Variants in ITGA9 observed in about 807,000 individuals in gnomAD.
The protein encoded by ITGA9 is integrin subunit alpha 9, also known as integrin alpha-9.
ITGA9 carries 56 observed loss-of-function variants against 127.8 expected under a neutral mutation model. The observed-to-expected ratio is 0.44, with a 90% CI of 0.35 to 0.55. The LOEUF is 0.55. Ranked by LOEUF, ITGA9 falls within the 20% of genes least tolerant of loss-of-function variation. ITGA9 has a pLI of 0.00. For synonymous variants in ITGA9, 508 were observed against 514.5 expected, an observed-to-expected ratio of 0.99 and a Z score of 0.17; for missense variants, 1,196 against 1,347.1, an observed-to-expected ratio of 0.89 and a Z score of 1.76.
At chr3:37,526,313 G>A (rs972416957) in intron 13 of ITGA9, among the ~76,000 whole-genome samples, 10 of 148,152 alleles carry the variant, frequency 6.7e-5, no homozygotes, top group African/African-American at 2.6e-4. Context: ...AGGGGTTGGG[G>A]TAGCCTAACT....
At chr3:37,512,053 TTTCTTTCTTTCTTTCTTTCTTTCCTTCC>T (rs1444999680) in intron 8 of ITGA9, among the ~76,000 whole-genome samples, 3 of 57,576 alleles carry the variant, frequency 5.2e-5, no homozygotes, top group African/African-American at 1.0e-4. Context: ...TCTTTCTTTC[TTTCTTTCTTTCTTTCTTTCTTTCCTTCC>T]TTCCTTCCTT....
At chr3:37,655,989 A>C (rs1205193043) in intron 17 of ITGA9, among the ~76,000 whole-genome samples, 1 of 152,186 alleles carries the variant, frequency 6.6e-6, no homozygotes, top group Non-Finnish European at 1.5e-5. Flanking sequence ...GGTTTGTCAA[A>C]GATCAGATGG....
intron 18 of ITGA9, among the ~76,000 whole-genome samples, chr3:37,727,549 G>C (rs1055913452): frequency 1.1e-4 from 16 of 152,170 alleles, no homozygotes; most frequent in Non-Finnish European, 1.8e-4. Context: ...AATTATAATT[G>C]TCAAAGATAT....
intron 17 of ITGA9, among the ~76,000 whole-genome samples, chr3:37,664,375 T>G (rs1454309310): frequency 1.3e-5 from 2 of 151,862 alleles, no homozygotes; most frequent in East Asian, 3.9e-4. Flanking sequence ...ACAAGCAATC[T>G]GTCCTGCTGG....
At chr3:37,720,688 T>C (rs1237879633) in intron 18 of ITGA9, among the ~76,000 whole-genome samples, 3 of 152,232 alleles carry the variant, frequency 2.0e-5, no homozygotes, top group African/African-American at 4.8e-5. Flanking sequence ...ACTTTGGGCT[T>C]TCTGTTACGA....
chr3:37,589,896 C>T (rs1391742073), intron 15 of ITGA9, among the ~76,000 whole-genome samples: 1 of 152,166 alleles, frequency 6.6e-6, no homozygotes, highest in Non-Finnish European at 1.5e-5. Flanking sequence ...ACATGACCTT[C>T]TGCATCTCCT....
intron 15 of ITGA9, among the ~76,000 whole-genome samples, chr3:37,623,890 AG>A (rs1189194280): frequency 2.0e-5 from 3 of 152,162 alleles, no homozygotes; most frequent in Non-Finnish European, 4.4e-5. Context: ...ATAAAGGAAA[AG>A]GCATCCCACT....
chr3:37,509,959 A>G (rs554662970), intron 8 of ITGA9, among the ~76,000 whole-genome samples: 1 of 152,178 alleles, frequency 6.6e-6, no homozygotes, highest in Non-Finnish European at 1.5e-5. Flanking sequence ...TGTATCTAGC[A>G]TGGAAACAAT....
intron 11 of ITGA9, among the ~76,000 whole-genome samples, chr3:37,522,826 AG>A (rs1340653807): frequency 2.0e-5 from 3 of 151,928 alleles, no homozygotes; most frequent in African/African-American, 7.3e-5. Flanking sequence ...TGGTTGGTTG[AG>A]GGGGCTGTTT....
intron 18 of ITGA9, among the ~76,000 whole-genome samples, chr3:37,727,337 T>C (rs746262160): frequency 1.1e-4 from 17 of 152,320 alleles, no homozygotes; most frequent in East Asian, 1.9e-4. Flanking sequence ...CCTGAGAATA[T>C]TGAACGTCTT....
intron 15 of ITGA9, among the ~76,000 whole-genome samples, chr3:37,596,428 A>T (rs535992372): frequency 1.3e-5 from 2 of 152,202 alleles, no homozygotes; most frequent in African/African-American, 4.8e-5. Flanking sequence ...AGCCCCTTGG[A>T]GGAGAGAAAA....
At chr3:37,817,221 C>T (rs969625240) in intron 27 of ITGA9, among the ~76,000 whole-genome samples, 2 of 152,136 alleles carry the variant, frequency 1.3e-5, no homozygotes, top group Non-Finnish European at 2.9e-5. Context: ...GTGTAGGACA[C>T]GTCTTATATG....
intron 14 of ITGA9, among the ~76,000 whole-genome samples, chr3:37,536,958 C>T (rs1423990049): frequency 1.3e-5 from 2 of 152,242 alleles, no homozygotes; most frequent in African/African-American, 4.8e-5. Context: ...GCATTAGCAT[C>T]ACCTGGGATC....
At chr3:37,476,113 T>G (rs1333000218) in intron 3 of ITGA9, among the ~76,000 whole-genome samples, 1 of 152,268 alleles carries the variant, frequency 6.6e-6, no homozygotes, top group African/African-American at 2.4e-5. Flanking sequence ...TTTAGGTTGG[T>G]TCTATCTCCT....
At chr3:37,544,637 A>G (rs544797305) in intron 15 of ITGA9, among the ~76,000 whole-genome samples, 1 of 152,086 alleles carries the variant, frequency 6.6e-6, no homozygotes, top group Non-Finnish European at 1.5e-5. Context: ...AGGGCTCTCG[A>G]GTGCAGATCC....
intron 15 of ITGA9, among the ~76,000 whole-genome samples, chr3:37,587,387 T>C (rs1187313092): frequency 6.6e-6 from 1 of 152,232 alleles, no homozygotes; most frequent in Non-Finnish European, 1.5e-5. Context: ...CTTCTTGTTA[T>C]TGTTTTTCTT....
At chr3:37,475,307 C>A (rs1698482335) in intron 3 of ITGA9, among the ~76,000 whole-genome samples, 1 of 152,220 alleles carries the variant, frequency 6.6e-6, no homozygotes, top group South Asian at 2.1e-4. Flanking sequence ...CAGCATAACA[C>A]AAGATGCTCT....
chr3:37,512,089 C>T (rs1234835094), intron 8 of ITGA9, among the ~76,000 whole-genome samples: 35 of 102,120 alleles, frequency 3.4e-4, no homozygotes, highest in Admixed American at 7.0e-4. Context: ...TCCTTCCTTC[C>T]TTCCTTCCTT....
Position 37,637,980 on chromosome 3 carries a change from C to T in ITGA9, c.1839+8644C>T, listed in dbSNP as rs552814282. On this transcript the variant is annotated intron_variant, in intron 16 of 27. Transcript: ENST00000264741. ...GAGCCACCGTGCCCGGCCAGCAATC[C>T]GTGTTTTAACAAGATGGCTGGGTGA... Among the ~76,000 whole-genome samples, 30 of 152,224 alleles carry T rather than the reference C, an allele frequency of 2.0e-4. No individual in the cohort carries two copies. The South Asian group carries it at 5.6e-3, about 28-fold the overall frequency.
Sources: gnomAD v4.1 joint callset for allele counts (sites outside exome capture counted in the v4.1 genomes callset) on GRCh38, gnomAD v4.1.1 for gene constraint, MANE v1.5 for transcripts, NCBI Gene and HGNC (gene_info 2026-07-23, HGNC 2026-07-21) for gene names.